The following RIMS1 variants were observed in gnomAD, a reference collection of about 807,000 sequenced individuals.
RIMS1 encodes regulating synaptic membrane exocytosis 1, also known as regulating synaptic membrane exocytosis protein 1.
RIMS1 carries 83 observed loss-of-function variants against 214.1 expected under a neutral mutation model. That is an observed-to-expected ratio of 0.39 (90% CI 0.32 to 0.47). The LOEUF is 0.47. Ranked by LOEUF, RIMS1 falls within the 20% of genes least tolerant of loss-of-function variation. The pLI is 0.99. For synonymous variants in RIMS1, 793 were observed against 786.8 expected (o/e 1.01, Z -0.13); for missense variants, 2,050 against 2,161.8 (o/e 0.95, Z 1.03).
intron 27 of RIMS1, among the ~76,000 whole-genome samples, chr6:72,311,977 C>G (rs1267637852): frequency 6.6e-6 from 1 of 152,078 alleles, no homozygotes; most frequent in Non-Finnish European, 1.5e-5. Flanking sequence ...TCTCCAAAAA[C>G]AAGAACAGAA....
At chr6:72,010,232 ATGAT>A (rs1368882367) in intron 2 of RIMS1, among the ~76,000 whole-genome samples, 2 of 152,220 alleles carry the variant, frequency 1.3e-5, no homozygotes. Flanking sequence ...AAAAAAACAC[ATGAT>A]TATCTCAATA....
At chr6:72,098,122 C>T (rs1419019581) in intron 3 of RIMS1, among the ~76,000 whole-genome samples, 5 of 151,992 alleles carry the variant, frequency 3.3e-5, no homozygotes, top group African/African-American at 7.2e-5. Context: ...AAAAATAACA[C>T]GAAATCTTTA....
In RIMS1 at chr6:72,023,041, G is replaced by A. The variant is rs9446548; in HGVS notation, c.245+53978G>A. 3.1e-3 allele frequency among the ~76,000 whole-genome samples: 468 copies of A among 152,124 alleles called. 3 individuals carry two copies. The highest frequency in any genetic ancestry group is 0.011 in the African/African-American group (457 of 41,512). On this transcript the variant is annotated intron_variant, in intron 2 of 33. Coordinates refer to ENST00000521978, the MANE Select transcript of RIMS1 (RefSeq NM_014989.7). Reference sequence around the variant, plus strand: ...ACTCGTGCATGAGTTCTCCATCTGTGGAAACAGTTGAGAATTGCAGGCTGT... The same window carrying A: ...ACTCGTGCATGAGTTCTCCATCTGTAGAAACAGTTGAGAATTGCAGGCTGT...
Position 71,998,783 on chromosome 6 carries a change from C to T in RIMS1, c.245+29720C>T, listed in dbSNP as rs560186740. Among the ~76,000 whole-genome samples, 11 of 152,274 alleles carry T rather than the reference C, an allele frequency of 7.2e-5. No individual in the cohort carries two copies. The South Asian group carries it at 2.3e-3, about 32-fold the overall frequency. The stretch of plus-strand genomic sequence containing the variant: ...AAAAAGCAAAGAGCAAGGAGCTCCT[C>T]ATTTCCTTGCCACTTCAAATACATT... On this transcript the variant is annotated intron_variant, in intron 2 of 33. Transcript: ENST00000521978.
chr6:71,972,371 A>G (rs1796069404), intron 2 of RIMS1, among the ~76,000 whole-genome samples: 1 of 152,200 alleles, frequency 6.6e-6, no homozygotes, highest in Admixed American at 6.5e-5. Flanking sequence ...GTAAATGTAC[A>G]TGACTTTCTC....
intron 4 of RIMS1, among the ~76,000 whole-genome samples, chr6:72,153,022 GT>G (rs2043924876): frequency 7.3e-6 from 1 of 137,720 alleles, no homozygotes; most frequent in Non-Finnish European, 1.6e-5. Flanking sequence ...ATATATGTGT[GT>G]GTGTATATAT....
rs528139158 is a variant in RIMS1 at position 72,401,563 on chromosome 6, G to C, written c.*849G>C. ...GGAAGACTTTTAAAGAAGTCAATCT[G>C]CAACTAATGCTGGGGACTAAAACTA... is the stretch of plus-strand genomic sequence containing the variant. On this transcript the variant is annotated 3_prime_UTR_variant, in exon 34 of 34. Transcript: ENST00000521978. The C allele has an allele frequency of 6.5e-6, 1 of 152,708 alleles. No homozygotes were observed. Among genetic ancestry groups the C allele is most frequent in the African/African-American group, 2.4e-5 (1 of 41,556 alleles). 9.5% of individuals were successfully genotyped at this position (152,708 alleles called of 1,614,324 possible). A position where few individuals can be genotyped will look rare whatever the true frequency, so the allele number is the denominator to read the frequency against.
chr6:72,353,489 C>A (rs949458889), intron 29 of RIMS1, among the ~76,000 whole-genome samples: 1 of 152,196 alleles, frequency 6.6e-6, no homozygotes, highest in African/African-American at 2.4e-5. Context: ...AGTCCAGGTT[C>A]CCCTGTTCAA....
chr6:72,162,788 T>A (rs1320487981), intron 4 of RIMS1, among the ~76,000 whole-genome samples: 2 of 140,636 alleles, frequency 1.4e-5, no homozygotes, highest in South Asian at 4.7e-4. Context: ...CCTTTGTGGG[T>A]AACCTGACCT....
chr6:72,375,898 A>G (rs916445849), intron 29 of RIMS1, among the ~76,000 whole-genome samples: 5 of 152,210 alleles, frequency 3.3e-5, no homozygotes, highest in South Asian at 2.1e-4. Flanking sequence ...CCTTTTAATA[A>G]AATGGAAATG....
rs572044099 is a variant in RIMS1, at chr6:72,163,683, G to A, written c.472-15892G>A. 3.5e-4 allele frequency among the ~76,000 whole-genome samples: 49 copies of A among 140,664 alleles called. 8 individuals carry two copies. Among genetic ancestry groups the A allele is most frequent in the Admixed American group, 1.7e-3 (23 of 13,752 alleles). 92.3% of individuals were successfully genotyped at this position (140,664 alleles called of 152,430 possible). A position where few individuals can be genotyped will look rare whatever the true frequency, so the allele number is the denominator to read the frequency against. On this transcript the variant is annotated intron_variant, in intron 4 of 33. Coordinates refer to ENST00000521978, the MANE Select transcript of RIMS1 (RefSeq NM_014989.7). ...TGTTTGCCTGGGTATCATCAGTGGA[G>A]GCTGCAGAACAGCAGATATTGGTGA... is the stretch of plus-strand genomic sequence containing the variant.
intron 2 of RIMS1, among the ~76,000 whole-genome samples, chr6:72,064,370 G>GAGGAACGAAGGA (rs1164030769): frequency 1.3e-5 from 2 of 152,000 alleles, no homozygotes; most frequent in African/African-American, 2.4e-5. Flanking sequence ...GGAAGGAAGG[G>GAGGAACGAAGGA]AGGAACGAAG....
intron 28 of RIMS1, among the ~76,000 whole-genome samples, chr6:72,332,755 G>A (rs939648637): frequency 1.3e-5 from 2 of 151,048 alleles, no homozygotes; most frequent in African/African-American, 2.4e-5. Flanking sequence ...ACTCTCAGAC[G>A]TAGTTTACTT....
chr6:72,292,513 CAT>C (rs763019853), intron 26 of RIMS1, among the ~76,000 whole-genome samples: 4 of 152,070 alleles, frequency 2.6e-5, no homozygotes, highest in African/African-American at 9.6e-5. Context: ...TGACAGAACA[CAT>C]GTTTTAGTGT....
At chr6:71,896,879 G>A (rs1188347793) in intron 1 of RIMS1, among the ~76,000 whole-genome samples, 1 of 152,048 alleles carries the variant, frequency 6.6e-6, no homozygotes, top group Non-Finnish European at 1.5e-5. Flanking sequence ...GCAGTTCCTT[G>A]TGTATCTCCG....
rs141846296 is a variant in RIMS1, at chr6:72,371,080, A to G, written c.4367-19518A>G. 3.0e-3 allele frequency among the ~76,000 whole-genome samples: 454 copies of G among 152,304 alleles called. 1 individual carries two copies. Among genetic ancestry groups the G allele is most frequent in the African/African-American group, 9.3e-3 (388 of 41,574 alleles). On this transcript the variant is annotated intron_variant, in intron 29 of 33. Transcript: ENST00000521978. ...TTGTCAACTCTGATCAAAAGCATTT[A>G]AAGCATTTATAACAATGAAAGCTAT...
intron 2 of RIMS1, among the ~76,000 whole-genome samples, chr6:72,030,387 T>C (rs1182479939): frequency 6.6e-6 from 1 of 152,186 alleles, no homozygotes; most frequent in Non-Finnish European, 1.5e-5. Flanking sequence ...ACTTTTGACC[T>C]TTTATTTTTA....
intron 26 of RIMS1, among the ~76,000 whole-genome samples, chr6:72,303,621 TC>T (rs1199536241): frequency 6.6e-6 from 1 of 151,438 alleles, no homozygotes; most frequent in Non-Finnish European, 1.5e-5. Context: ...AAAAATAAGT[TC>T]CAGTTTTATA....
chr6:71,927,300 C>T (rs951388273), intron 1 of RIMS1, among the ~76,000 whole-genome samples: 1 of 152,120 alleles, frequency 6.6e-6, no homozygotes, highest in Admixed American at 6.5e-5. Flanking sequence ...TAAAGACATT[C>T]GGACTGATTC....
Sources: allele counts gnomAD v4.1 joint callset (sites outside exome capture counted in the v4.1 genomes callset), GRCh38; gene constraint gnomAD v4.1.1; transcripts MANE v1.5; gene names NCBI Gene and HGNC (gene_info 2026-07-23, HGNC 2026-07-21).